Variants in UTS2 observed in about 807,000 individuals in gnomAD.
UTS2 encodes the protein urotensin 2, also known as urotensin-2.
Under a neutral mutation model 12.6 loss-of-function variants are expected in UTS2, and 10 were observed. The ratio of observed to expected loss-of-function variants is 0.80; its 90% CI spans 0.49 to 1.35. UTS2 has a LOEUF of 1.35. Ranked by LOEUF, UTS2 falls within the 40% of genes most tolerant of loss-of-function variation. The pLI is 0.00. For synonymous variants in UTS2, 52 were observed against 50.0 expected (o/e 1.04, Z -0.17); for missense variants, 142 against 143.2 (o/e 0.99, Z 0.04).
upstream of UTS2, among the ~76,000 whole-genome samples, chr1:7,854,529 G>GAAAA (rs781340722): frequency 2.0e-4 from 2 of 9,932 alleles, no homozygotes; most frequent in South Asian, 6.2e-3. Context: ...AAAAAAAAAA[G>GAAAA]AAGAAAGAAA....
At chr1:7,877,126 C>CAAAAAAAA in the UTS2 span, among the ~76,000 whole-genome samples, 21 of 62,728 alleles carry the variant, frequency 3.3e-4, no homozygotes, top group East Asian at 2.1e-3. Context: ...GAGACTCTAT[C>CAAAAAAAA]AAAAAAAAAA....
At chr1:7,856,934 G>A (rs144795912), upstream of UTS2, among the ~76,000 whole-genome samples, 312 of 152,116 alleles carry the variant, frequency 2.1e-3, no homozygotes, top group African/African-American at 6.2e-3. Flanking sequence ...AGTGGTGGGC[G>A]CCTATGATCC....
chr1:7,867,936 C>T, the UTS2 span, among the ~76,000 whole-genome samples: 273 of 152,258 alleles, frequency 1.8e-3, 1 homozygote, highest in African/African-American at 6.3e-3. Context: ...TAAGCTCCCC[C>T]AGTCTGTGGT....
the UTS2 span, among the ~76,000 whole-genome samples, chr1:7,884,897 G>A: frequency 7.7e-6 from 1 of 129,566 alleles, no homozygotes; most frequent in African/African-American, 3.0e-5. Context: ...CCATCCATCT[G>A]CCCATCATCC....
the UTS2 span, among the ~76,000 whole-genome samples, chr1:7,901,626 G>GTC: frequency 5.0e-5 from 6 of 119,098 alleles, no homozygotes; most frequent in East Asian, 2.1e-4. Context: ...GTGTGTGTGT[G>GTC]TGTGTATATA....
chr1:7,878,103 A>G, the UTS2 span, among the ~76,000 whole-genome samples: 1 of 152,256 alleles, frequency 6.6e-6, no homozygotes, highest in Admixed American at 6.5e-5. Flanking sequence ...CAGGCCTTAC[A>G]GGCCAGGAGA....
chr1:7,877,691 G>A, the UTS2 span, among the ~76,000 whole-genome samples: 1 of 152,102 alleles, frequency 6.6e-6, no homozygotes, highest in Non-Finnish European at 1.5e-5. Flanking sequence ...TGAGCAACAT[G>A]GTGAAACCCT....
chr1:7,902,516 C>A, the UTS2 span, among the ~76,000 whole-genome samples: 7 of 152,128 alleles, frequency 4.6e-5, no homozygotes, highest in African/African-American at 1.7e-4. Context: ...TGGCGACTTG[C>A]ACATCATTGT....
chr1:7,861,008 C>T, the UTS2 span, among the ~76,000 whole-genome samples: 1 of 147,676 alleles, frequency 6.8e-6, no homozygotes, highest in Non-Finnish European at 1.5e-5. Context: ...CACTACTGCA[C>T]TCTAGCCTGG....
chr1:7,889,582 A>T, the UTS2 span, among the ~76,000 whole-genome samples: 1 of 152,256 alleles, frequency 6.6e-6, no homozygotes, highest in African/African-American at 2.4e-5. Context: ...AGGCAGATGG[A>T]TCACTTGAGG....
chr1:7,885,908 T>TGGGGG, the UTS2 span, among the ~76,000 whole-genome samples: 1 of 13,992 alleles, frequency 7.1e-5, no homozygotes, highest in Admixed American at 9.0e-4. Context: ...GGGGGTGGGG[T>TGGGGG]GGGGGGGGGC....
At chr1:7,859,461 C>T in the UTS2 span, among the ~76,000 whole-genome samples, 1 of 152,148 alleles carries the variant, frequency 6.6e-6, no homozygotes, top group Non-Finnish European at 1.5e-5. Flanking sequence ...ACAGGAGAGG[C>T]TCTTTTCCTG....
intron 3 of UTS2, among the ~76,000 whole-genome samples, chr1:7,848,956 T>C (rs2097410925): frequency 6.6e-6 from 1 of 152,166 alleles, no homozygotes. Context: ...CCGCAGGTCC[T>C]AGGTGGGCCT....
At chr1:7,912,129 T>C in the UTS2 span, among the ~76,000 whole-genome samples, 3 of 152,188 alleles carry the variant, frequency 2.0e-5, no homozygotes, top group African/African-American at 7.2e-5. Flanking sequence ...TGAAGAAATA[T>C]GAACCTGAAA....
the UTS2 span, among the ~76,000 whole-genome samples, chr1:7,863,117 T>C: frequency 9.0e-4 from 134 of 149,156 alleles, 1 homozygote; most frequent in African/African-American, 3.2e-3. Context: ...TGTATTGTAT[T>C]GTATTGTATT....
At chr1:7,900,327 A>T in the UTS2 span, among the ~76,000 whole-genome samples, 1 of 151,532 alleles carries the variant, frequency 6.6e-6, no homozygotes, top group African/African-American at 2.4e-5. Flanking sequence ...CGAGCCTGGG[A>T]GGTGGAAGCT....
the UTS2 span, among the ~76,000 whole-genome samples, chr1:7,863,016 TTG>T: frequency 7.1e-4 from 16 of 22,428 alleles, no homozygotes; most frequent in Non-Finnish European, 8.8e-4. Flanking sequence ...TTGTATTGTA[TTG>T]TATTGTATTG....
the UTS2 span, among the ~76,000 whole-genome samples, chr1:7,891,968 C>T: frequency 6.6e-6 from 1 of 152,084 alleles, no homozygotes; most frequent in African/African-American, 2.4e-5. Flanking sequence ...ATGGTGGCGA[C>T]AGTTTCACAC....
chr1:7,855,727 G>T (rs560643907), upstream of UTS2, among the ~76,000 whole-genome samples: 9 of 151,078 alleles, frequency 6.0e-5, no homozygotes, highest in East Asian at 1.8e-3. Context: ...TTTGAGACAG[G>T]ATCTCACTCT....
Sources: gnomAD v4.1 joint callset for allele counts (sites outside exome capture counted in the v4.1 genomes callset) on GRCh38, gnomAD v4.1.1 for gene constraint, MANE v1.5 for transcripts, NCBI Gene and HGNC (gene_info 2026-07-23, HGNC 2026-07-21) for gene names.